Variants in LMAN1L observed in about 807,000 individuals in gnomAD.
LMAN1L encodes protein ERGIC-53-like.
In LMAN1L, 60 loss-of-function variants were observed where a neutral mutation model predicts 58.3. The ratio of observed to expected loss-of-function variants is 1.03; its 90% confidence interval spans 0.84 to 1.27. LMAN1L has a LOEUF of 1.27. Among genes scored for constraint, LMAN1L ranks in the 50% most tolerant of loss-of-function variants. LMAN1L has a pLI of 0.00. For synonymous variants in LMAN1L, 280 were observed against 271.6 expected (o/e 1.03, Z -0.31); for missense variants, 629 against 674.0 (o/e 0.93, Z 0.74).
intron 3 of LMAN1L, 21 bp downstream of exon 3, chr15:74,816,555 T>TGCCA (rs1567223573): frequency 6.3e-7 from 1 of 1,577,580 alleles, no homozygotes; most frequent in South Asian, 1.2e-5. Context: ...GTCTCCTGCC[T>TGCCA]GCCAGCCCGC....
chr15:74,821,165 C>T lies in LMAN1L; in HGVS notation c.998C>T (p.Ala333Val), dbSNP rs1238931675. The T allele has an allele frequency of 1.3e-6, 2 of 1,552,954 alleles. No homozygotes were observed. The highest frequency in any genetic ancestry group is 1.4e-5 in the African/African-American group (1 of 73,362). ...GGTCTCTCCAAGCAGCTGGCCCAGG[C>T]TGAGAGACAATGGAAGAAGCAGCTG... ...LRGLSKQLAQ[A>V]ERQWKKQLGP... Residue 333 changes from alanine (A) to valine (V), a missense_variant, in exon 9 of 14, where the codon GCT (alanine) becomes GTT (valine). By Grantham distance (64) the Ala-to-Val change is moderately conservative. Coordinates refer to ENST00000309664, the MANE Select transcript of LMAN1L (RefSeq NM_021819.3).
rs745774342 is a variant in LMAN1L at position 74,816,665 on chromosome 15, G to T, written c.472G>T (p.Gly158Trp). The T allele has an allele frequency of 2.5e-6, 4 of 1,613,814 alleles. No individual in the cohort carries two copies. Among genetic ancestry groups the T allele is most frequent in the Non-Finnish European group, 2.5e-6 (3 of 1,179,884 alleles). ...SPAIRVLASD[G>W]HIPSEQPGDG... is the part of the protein sequence containing the mutation. ...TGCCATCCGTGTGCTGGCCAGCGAC[G>T]GGCACATCCCCTCTGAGCAGCCTGG... The change falls in exon 4 of 14, where the codon GGG becomes TGG. Residue 158 changes from glycine to tryptophan, a missense_variant. Around this residue, in one of 3 missense-constraint regions of LMAN1L, gnomAD observed 573 missense variants for 597.3 expected, o/e 0.96. Coordinates refer to ENST00000309664, the MANE Select transcript of LMAN1L (RefSeq NM_021819.3).
Position 74,820,770 on chromosome 15 carries a change from A to G in LMAN1L, c.907+3A>G, listed in dbSNP as rs1440595561. ...AGACTCTGAAGCTCAAGGAGAAGGT[A>G]GGGACCGAGAGAGCGGGCAGGTGGC... On this transcript the variant is annotated splice_donor_region_variant and intron_variant, in intron 8 of 13. Coordinates refer to ENST00000309664, the MANE Select transcript of LMAN1L (RefSeq NM_021819.3). The G allele has an allele frequency of 1.2e-6, 2 of 1,608,562 alleles. No homozygotes were observed. Among genetic ancestry groups the G allele is most frequent in the Admixed American group, 1.7e-5 (1 of 59,494 alleles).
At position 74,819,265 on chromosome 15, in the gene LMAN1L, C is replaced by A. The variant is rs199694574; in HGVS notation, c.711C>A (p.Thr237=). Residue 237 remains threonine, a synonymous_variant, in exon 6 of 14, where the codon ACC becomes ACA. Coordinates refer to ENST00000309664, the MANE Select transcript of LMAN1L (RefSeq NM_021819.3). ...GFFGVSAATG[T]LADDHDVLSF... The stretch of plus-strand genomic sequence containing the variant: ...TTGGGGTCTCAGCAGCCACCGGCAC[C>A]CTGGCAGGTGAGGATCCCACTGGAC... The A allele has an allele frequency of 7.7e-5, 124 of 1,613,960 alleles. No individual in the cohort carries two copies. Among genetic ancestry groups the A allele is most frequent in the Non-Finnish European group, 1.3e-5 (15 of 1,179,984 alleles).
Position 74,825,636 on chromosome 15 carries a change from G to A in LMAN1L, c.*31G>A. 6.3e-7 allele frequency: 1 copy of A among 1,593,888 alleles called. No homozygotes were observed. The highest frequency in any genetic ancestry group is 8.6e-7 in the Non-Finnish European group (1 of 1,166,998). ...CTCAGAGCCTGCTTTGCATCACTGG[G>A]AAGCAGGCAGTGTCTTGGGTGGGGG... On this transcript the variant is annotated 3_prime_UTR_variant, in exon 14 of 14. Coordinates refer to ENST00000309664, the MANE Select transcript of LMAN1L (RefSeq NM_021819.3).
rs764785452 is a variant in LMAN1L, at chr15:74,825,701, C to T, written c.*96C>T. The T allele has an allele frequency of 8.0e-5, 103 of 1,281,516 alleles. No individual in the cohort carries two copies. The highest frequency in any genetic ancestry group is 5.4e-4 in the Middle Eastern group (2 of 3,706). 79.4% of individuals were successfully genotyped at this position (1,281,516 alleles called of 1,614,324 possible). On this transcript the variant is annotated 3_prime_UTR_variant, in exon 14 of 14. Coordinates refer to ENST00000309664, the MANE Select transcript of LMAN1L (RefSeq NM_021819.3). ...TCTCCGTCTGGGTGCCCAGCTCCCA[C>T]GCACACCTGAGCTTTCGGCATGCTC...
At position 74,824,377 on chromosome 15, in the gene LMAN1L, A is replaced by T. The variant is rs763834437; in HGVS notation, c.1350A>T (p.Pro450=). Residue 450 remains proline (P), a synonymous_variant, in exon 13 of 14, where the codon CCA becomes CCT. Transcript: ENST00000309664. ...PAKAAAKAPR[P]PGQPPRASSC... ...AGGCAGCAGCCAAGGCCCCCCGCCC[A>T]CCTGGCCAGCCCCCAAGGGCCTCCT... 5 of 1,613,970 alleles carry T rather than the reference A, an allele frequency of 3.1e-6. No homozygotes were observed. The highest frequency in any genetic ancestry group is 4.2e-6 in the Non-Finnish European group (5 of 1,179,886).
At chr15:74,813,759 GGATTT>G (rs1296474361) in intron 1 of LMAN1L, among the ~76,000 whole-genome samples, 1 of 152,222 alleles carries the variant, frequency 6.6e-6, no homozygotes, top group Non-Finnish European at 1.5e-5. Context: ...GTTGGGCCAT[GGATTT>G]AATTCTGAGC....
Position 74,820,628 on chromosome 15 carries a change from C to T in LMAN1L, c.775-7C>T, listed in dbSNP as rs772337541. On this transcript the variant is annotated splice_polypyrimidine_tract_variant and splice_region_variant and intron_variant, in intron 7 of 13. Transcript: ENST00000309664. Reference sequence around the variant, plus strand: ...TTGGGGCCCGACTTTCTGTCTTCCTCCCCTAGGTTCCCCCTCAGCCCTTCC... The same window carrying T: ...TTGGGGCCCGACTTTCTGTCTTCCTTCCCTAGGTTCCCCCTCAGCCCTTCC... The T allele has an allele frequency of 1.2e-6, 2 of 1,613,558 alleles. No homozygotes were observed. The highest frequency in any genetic ancestry group is 1.7e-5 in the Admixed American group (1 of 60,018).
chr15:74,824,300 A>G, intron 12 of LMAN1L, 51 bp from the exon 13 acceptor site: 2 of 1,579,548 alleles, frequency 1.3e-6, no homozygotes, highest in African/African-American at 2.7e-5. Context: ...CAGGTCCCCC[A>G]CTCCTTCTGG....
chr15:74,818,881 ACGGCC>A, intron 5 of LMAN1L, 64 bp downstream of exon 5: 1 of 1,403,690 alleles, frequency 7.1e-7, no homozygotes, highest in South Asian at 1.2e-5. Flanking sequence ...GTGCGTGCCC[ACGGCC>A]CCAACACACC....
At chr15:74,814,856 A>G (rs1567223101) in intron 1 of LMAN1L, among the ~76,000 whole-genome samples, 1 of 152,200 alleles carries the variant, frequency 6.6e-6, no homozygotes, top group Non-Finnish European at 1.5e-5. Context: ...GGTTTCTTCC[A>G]GTCCTCCTTC....
At position 74,817,969 on chromosome 15, in the gene LMAN1L, C is replaced by T. The variant is rs368765535; in HGVS notation, c.498-749C>T. ...CAAAGGTTGCAGTGAGCCGAGATCG[C>T]GCCACTGCACTCCAGCCAGGGCAAC... On this transcript the variant is annotated intron_variant, in intron 4 of 13. Transcript: ENST00000309664. Among the ~76,000 whole-genome samples, 573 of 149,782 alleles carry T rather than the reference C, an allele frequency of 3.8e-3. 3 individuals carry two copies. Among genetic ancestry groups the T allele is most frequent in the African/African-American group, 0.013 (525 of 40,634 alleles).
At chr15:74,816,831 T>C in intron 4 of LMAN1L, 141 bp downstream of exon 4, 1 of 778,620 alleles carries the variant, frequency 1.3e-6, no homozygotes, top group Non-Finnish European at 2.0e-6. Flanking sequence ...ACTCTCTCAC[T>C]TAGCCGACGT....
At chr15:74,824,987 C>T (rs567258999) in intron 13 of LMAN1L, 6 of 158,502 alleles carry the variant, frequency 3.8e-5, no homozygotes, top group African/African-American at 1.2e-4. Context: ...AAGGGCAGGA[C>T]GAGTTTGTGA....
chr15:74,815,780 A>T (rs555141271), intron 1 of LMAN1L, among the ~76,000 whole-genome samples: 123 of 152,358 alleles, frequency 8.1e-4, no homozygotes, highest in Non-Finnish European at 1.5e-3. Flanking sequence ...GTTAGACACA[A>T]ATCTCTCTCG....
In LMAN1L at chr15:74,818,764, AAC is replaced by A; in HGVS notation, c.545_546del (p.Asn182ThrfsTer28). The A allele has an allele frequency of 6.2e-7, 1 of 1,612,102 alleles. No individual in the cohort carries two copies. The highest frequency in any genetic ancestry group is 8.5e-7 in the Non-Finnish European group (1 of 1,179,382). On this transcript the variant is annotated frameshift_variant, in exon 5 of 14. Coordinates refer to ENST00000309664, the MANE Select transcript of LMAN1L (RefSeq NM_021819.3). LOFTEE classifies it high-confidence loss of function. ...GGGCTCCTGTCATTGGGACTTCCGG[AAC>A]CGGCCACACCCCTTCAGAGCACGGA... ...GLGSCHWDFRNRPHPFRARIT... is the reference protein window; with the variant it reads ...GLGSCHWDFRXRPHPFRARIT...
Position 74,813,042 on chromosome 15 carries a change from G to T in LMAN1L, c.175+13G>T. 1 of 1,606,746 alleles carries T rather than the reference G, an allele frequency of 6.2e-7. No homozygotes were observed. The highest frequency in any genetic ancestry group is 1.3e-5 in the African/African-American group (1 of 74,828). ...AGCCATCATGGAGGTGAGGGGCAGGGGTGGGGACCAGCTATGCCCAGGGTC... is the reference window on the plus strand; with the variant it reads ...AGCCATCATGGAGGTGAGGGGCAGGTGTGGGGACCAGCTATGCCCAGGGTC... On this transcript the variant is annotated intron_variant, in intron 1 of 13. Transcript: ENST00000309664.
chr15:74,823,605 C>T lies in LMAN1L; in HGVS notation c.1246C>T (p.Pro416Ser), dbSNP rs1473931424. 6.2e-7 allele frequency: 1 copy of T among 1,613,988 alleles called. No individual in the cohort carries two copies. Among genetic ancestry groups the T allele is most frequent in the East Asian group, 2.2e-5 (1 of 44,880 alleles). ...TGCAGAAGCCCAGGTCTCCTACCTG[C>T]CTGTGGGCATTGAGCATCATTTCTT... is the stretch of plus-strand genomic sequence containing the variant. ...MAAEAQVSYL[P>S]VGIEHHFLEL... The change falls in exon 12 of 14, where the codon CCT becomes TCT. Residue 416 changes from proline to serine, a missense_variant. By Grantham distance (74) the Pro-to-Ser change is moderately conservative. Transcript: ENST00000309664.
Sources: gnomAD v4.1 joint callset for allele counts (sites outside exome capture counted in the v4.1 genomes callset) on GRCh38, gnomAD v4.1.1 for gene constraint, gnomAD v4.1.1 regional missense constraint, MANE v1.5 for transcripts, NCBI Gene and HGNC (gene_info 2026-07-23, HGNC 2026-07-21) for gene names.